Variants in XIRP2 observed in about 807,000 individuals in gnomAD.
XIRP2 encodes the protein xin actin-binding repeat-containing protein 2.
Under a neutral mutation model 277.0 loss-of-function variants are expected in XIRP2, and 236 were observed. The observed-to-expected ratio is 0.85, with a 90% CI of 0.77 to 0.95. XIRP2 has a LOEUF of 0.95. Among genes scored for constraint, XIRP2 ranks in the 40% least tolerant of loss-of-function variants. The pLI, the probability that XIRP2 is intolerant of heterozygous loss-of-function variation, is 0.00. For synonymous variants in XIRP2, 1,490 were observed against 1,416.5 expected, an observed-to-expected ratio of 1.05 and a Z score of -1.17; for missense variants, 4,640 against 4,157.5, an observed-to-expected ratio of 1.12 and a Z score of -3.19.
chr2:167,095,219 A>G (rs954222810), intron 2 of XIRP2, among the ~76,000 whole-genome samples: 6 of 152,198 alleles, frequency 3.9e-5, no homozygotes, highest in Non-Finnish European at 7.3e-5. Flanking sequence ...TTGGGCTGAG[A>G]TGATGGGGTT....
chr2:167,146,500 CAAAA>C (rs55685517), intron 3 of XIRP2, among the ~76,000 whole-genome samples: 2 of 130,310 alleles, frequency 1.5e-5, no homozygotes, highest in African/African-American at 5.7e-5. Context: ...GACTCTGTCT[CAAAA>C]AAAAAAGAAA....
chr2:166,905,499 T>C (rs924857315), intron 2 of XIRP2, among the ~76,000 whole-genome samples: 2 of 151,918 alleles, frequency 1.3e-5, no homozygotes, highest in African/African-American at 4.8e-5. Context: ...CTAGTAACTA[T>C]AAAAATAATT....
intron 2 of XIRP2, among the ~76,000 whole-genome samples, chr2:167,120,757 G>T (rs968032679): frequency 2.0e-5 from 3 of 152,056 alleles, no homozygotes; most frequent in Middle Eastern, 3.2e-3. Flanking sequence ...ATTAGCTCAT[G>T]AATATAAATA....
At chr2:167,122,679 T>A (rs1452649146) in intron 2 of XIRP2, among the ~76,000 whole-genome samples, 1 of 152,214 alleles carries the variant, frequency 6.6e-6, no homozygotes, top group Admixed American at 6.5e-5. Context: ...CATGGCTGCC[T>A]ACTTAGTGTA....
At chr2:167,052,678 A>C (rs1688944261) in intron 2 of XIRP2, among the ~76,000 whole-genome samples, 1 of 152,176 alleles carries the variant, frequency 6.6e-6, no homozygotes, top group Non-Finnish European at 1.5e-5. Flanking sequence ...ACTGCTGCAG[A>C]GAAGGCACAT....
At chr2:167,224,190 T>C (rs141399456) in intron 5 of XIRP2, among the ~76,000 whole-genome samples, 11 of 152,112 alleles carry the variant, frequency 7.2e-5, no homozygotes, top group African/African-American at 2.4e-4. Context: ...CATGACTAAC[T>C]ACCTCTTAGA....
chr2:167,143,796 C>T (rs888691951), intron 3 of XIRP2, among the ~76,000 whole-genome samples: 1 of 151,530 alleles, frequency 6.6e-6, no homozygotes, highest in Non-Finnish European at 1.5e-5. Context: ...AAAAAAAAAA[C>T]CACAATATTC....
intron 2 of XIRP2, among the ~76,000 whole-genome samples, chr2:166,941,008 G>A (rs115826064): frequency 0.04 from 6,091 of 152,182 alleles, 159 homozygotes; most frequent in South Asian, 0.11. Flanking sequence ...CAGAGGTTTC[G>A]CTGCCTTTTG....
rs552882515 is a variant in XIRP2 at position 167,158,576 on chromosome 2, TCTA to T, written c.562+22517_562+22519del. On this transcript the variant is annotated intron_variant, in intron 3 of 10. Coordinates refer to ENST00000409195, the MANE Select transcript of XIRP2 (RefSeq NM_152381.6). Reference sequence around the variant, plus strand: ...CAGAGTTTACCATGTAACTTACATTTCTACTGTGCTTTCACAGTATATAAAGCA... The same window carrying T: ...CAGAGTTTACCATGTAACTTACATTTCTGTGCTTTCACAGTATATAAAGCA... 3.1e-3 allele frequency among the ~76,000 whole-genome samples: 475 copies of T among 152,342 alleles called. 2 individuals carry two copies. Among genetic ancestry groups the T allele is most frequent in the African/African-American group, 8.2e-3 (339 of 41,588 alleles).
intron 2 of XIRP2, among the ~76,000 whole-genome samples, chr2:166,965,006 G>A (rs904293891): frequency 6.6e-6 from 1 of 151,910 alleles, no homozygotes; most frequent in Non-Finnish European, 1.5e-5. Flanking sequence ...AGAGGCATAA[G>A]CACTTTGAAC....
intron 2 of XIRP2, among the ~76,000 whole-genome samples, chr2:167,116,695 A>T (rs941911551): frequency 6.6e-6 from 1 of 152,110 alleles, no homozygotes; most frequent in African/African-American, 2.4e-5. Flanking sequence ...TCTGTCTTTC[A>T]TCTTGTATTA....
chr2:167,242,890 C>G lies in XIRP2; in HGVS notation c.1498C>G (p.Arg500Gly), dbSNP rs375603641. Reference sequence around the variant, plus strand: ...GCAAAGAAATTTGTATGAATTAAACCGTTTATATAAACACATCCATCCTGA... The same window carrying G: ...GCAAAGAAATTTGTATGAATTAAACGGTTTATATAAACACATCCATCCTGA... ...SKQRNLYELN[R>G]LYKHIHPELR... The change falls in exon 9 of 11, where the codon CGT becomes GGT. Residue 500 changes from arginine (R) to glycine (G), a missense_variant. Arg to Gly is a moderately radical substitution (Grantham distance 125, BLOSUM62 -2). Transcript: ENST00000409195. 4 of 1,613,804 alleles carry G rather than the reference C, an allele frequency of 2.5e-6. No homozygotes were observed. The highest frequency in any genetic ancestry group is 1.6e-4 in the Middle Eastern group (1 of 6,080).
intron 2 of XIRP2, among the ~76,000 whole-genome samples, chr2:167,121,838 A>T (rs1691065918): frequency 6.6e-6 from 1 of 152,192 alleles, no homozygotes; most frequent in Non-Finnish European, 1.5e-5. Context: ...ATTTATGTTC[A>T]GTACTCCTTC....
At chr2:166,928,583 G>A (rs1354303032) in intron 2 of XIRP2, among the ~76,000 whole-genome samples, 2 of 152,242 alleles carry the variant, frequency 1.3e-5, no homozygotes, top group South Asian at 2.1e-4. Flanking sequence ...TGTGATCAAA[G>A]AGGACATCAG....
intron 2 of XIRP2, among the ~76,000 whole-genome samples, chr2:167,131,232 C>T (rs1177450452): frequency 6.6e-6 from 1 of 152,120 alleles, no homozygotes; most frequent in African/African-American, 2.4e-5. Flanking sequence ...ATATTTCTAC[C>T]CATGCTTTGG....
In XIRP2 at chr2:167,195,122, G is replaced by A. The variant is rs959620; in HGVS notation, c.563-15613G>A. Among the ~76,000 whole-genome samples the A allele has an allele frequency of 5.7e-3, 862 of 152,240 alleles. 8 individuals carry two copies. Among genetic ancestry groups the A allele is most frequent in the African/African-American group, 0.02 (831 of 41,540 alleles). ...AAAAACACCCTTATCTTTCACAGAT[G>A]CACTCTTCAGCTCAAATTAAATTAC... On this transcript the variant is annotated intron_variant, in intron 3 of 10. Transcript: ENST00000409195.
At chr2:166,904,524 A>G (rs1684467179) in intron 2 of XIRP2, among the ~76,000 whole-genome samples, 1 of 152,200 alleles carries the variant, frequency 6.6e-6, no homozygotes, top group African/African-American at 2.4e-5. Context: ...ATAATGTCAC[A>G]TATAAAATAT....
chr2:167,047,250 C>T (rs1185520300), intron 2 of XIRP2, among the ~76,000 whole-genome samples: 11 of 151,482 alleles, frequency 7.3e-5, no homozygotes, highest in Admixed American at 7.2e-4. Flanking sequence ...TATCAACTTA[C>T]AAAAATTAGT....
At chr2:167,085,072 G>A (rs1278245780) in intron 2 of XIRP2, among the ~76,000 whole-genome samples, 7 of 126,716 alleles carry the variant, frequency 5.5e-5, no homozygotes, top group African/African-American at 1.6e-4. Flanking sequence ...TTTCTCTTGT[G>A]GGCATTTAGT....
Sources: allele counts gnomAD v4.1 joint callset (sites outside exome capture counted in the v4.1 genomes callset), GRCh38; gene constraint gnomAD v4.1.1; transcripts MANE v1.5; gene names NCBI Gene and HGNC (gene_info 2026-07-23, HGNC 2026-07-21).